WDR49: variants seen among roughly 807,000 people sequenced by gnomAD.
WDR49 encodes WD repeat domain 49, also known as cilia- and flagella-associated protein 337.
A neutral mutation model predicts 119.5 loss-of-function variants in WDR49; 107 were observed. The ratio of observed to expected loss-of-function variants is 0.90; its 90% CI spans 0.77 to 1.05. WDR49 has a LOEUF of 1.05. WDR49 is among the 50% of genes least tolerant of loss of function. WDR49 has a pLI of 0.00. For missense variants in WDR49, 1,240 were observed against 1,220.5 expected (o/e 1.02, Z -0.24); for synonymous variants, 425 against 418.8 (o/e 1.01, Z -0.18).
chr3:167,590,591 T>C (rs911191452), intron 7 of WDR49, among the ~76,000 whole-genome samples: 1 of 152,084 alleles, frequency 6.6e-6, no homozygotes, highest in Admixed American at 6.6e-5. Context: ...TTGTTATTAG[T>C]CTGTTCAGGT....
chr3:167,536,816 A>C, intron 11 of WDR49, 54 bp downstream of exon 11: 1 of 1,396,522 alleles, frequency 7.2e-7, no homozygotes, highest in East Asian at 2.7e-5. Context: ...GAGCCAAAAC[A>C]AACCAAAACA....
chr3:167,654,801 A>C (rs939631930), upstream of WDR49, among the ~76,000 whole-genome samples: 2 of 151,954 alleles, frequency 1.3e-5, no homozygotes, highest in African/African-American at 2.4e-5. Flanking sequence ...CGGGAGGCTG[A>C]GTTAGAAGGA....
At chr3:167,501,201 C>G (rs1420721045) in intron 17 of WDR49, among the ~76,000 whole-genome samples, 2 of 152,206 alleles carry the variant, frequency 1.3e-5, no homozygotes, top group Non-Finnish European at 2.9e-5. Context: ...TCTTTGAAAA[C>G]TAATGTGCTA....
At chr3:167,595,698 C>T (rs1715389233) in intron 7 of WDR49, among the ~76,000 whole-genome samples, 1 of 152,088 alleles carries the variant, frequency 6.6e-6, no homozygotes. Context: ...CCCTTCCTTA[C>T]ACCTTATACA....
At chr3:167,501,894 C>A (rs1577201190) in intron 17 of WDR49, among the ~76,000 whole-genome samples, 1 of 152,046 alleles carries the variant, frequency 6.6e-6, no homozygotes. Context: ...ATTCTGGTGC[C>A]ATCTCTTTTT....
At chr3:167,623,297 C>A (rs1159973908) in intron 3 of WDR49, among the ~76,000 whole-genome samples, 1 of 152,006 alleles carries the variant, frequency 6.6e-6, no homozygotes, top group African/African-American at 2.4e-5. Context: ...GAACTAAATA[C>A]TAGCAAAGAG....
chr3:167,537,501 A>G (rs1259035745), intron 10 of WDR49, among the ~76,000 whole-genome samples: 1 of 152,126 alleles, frequency 6.6e-6, no homozygotes, highest in Admixed American at 6.6e-5. Context: ...ATTCTCTTGG[A>G]GTCTACAGCA....
chr3:167,538,625 T>G (rs1356400313), intron 10 of WDR49, among the ~76,000 whole-genome samples: 1 of 152,068 alleles, frequency 6.6e-6, no homozygotes, highest in East Asian at 1.9e-4. Context: ...AATTTCTTAT[T>G]TGCCATGTGG....
chr3:167,511,743 G>T (rs924648363), intron 16 of WDR49, among the ~76,000 whole-genome samples: 1 of 152,190 alleles, frequency 6.6e-6, no homozygotes, highest in Non-Finnish European at 1.5e-5. Context: ...CACCATCACT[G>T]TGGCTCCAAT....
At chr3:167,629,898 G>T (rs1717292876) in intron 2 of WDR49, among the ~76,000 whole-genome samples, 1 of 152,094 alleles carries the variant, frequency 6.6e-6, no homozygotes, top group African/African-American at 2.4e-5. Flanking sequence ...AATGGATGTG[G>T]GGTTGCTTCT....
At chr3:167,600,660 C>T (rs1232666162) in intron 7 of WDR49, among the ~76,000 whole-genome samples, 2 of 152,134 alleles carry the variant, frequency 1.3e-5, no homozygotes, top group Non-Finnish European at 2.9e-5. Context: ...ATGATACCTG[C>T]TGTAATGAGA....
intron 12 of WDR49, 91 bp from the exon 13 acceptor site, chr3:167,531,370 C>T (rs1431227615): frequency 3.0e-5 from 42 of 1,391,168 alleles, no homozygotes; most frequent in Non-Finnish European, 4.0e-5. Context: ...ACATCTATCA[C>T]TATATCCATT....
chr3:167,521,554 A>C (rs1752435160), intron 16 of WDR49, among the ~76,000 whole-genome samples: 1 of 152,174 alleles, frequency 6.6e-6, no homozygotes. Flanking sequence ...AGTTTTATAG[A>C]ATGACTATTT....
At chr3:167,602,338 T>C in intron 6 of WDR49, 63 bp from the exon 7 acceptor site, 1 of 1,391,334 alleles carries the variant, frequency 7.2e-7, no homozygotes, top group Non-Finnish European at 9.7e-7. Flanking sequence ...AGCATTTTCT[T>C]TGTGAAATGA....
chr3:167,641,346 CTCAGT>C (rs1717873685), intron 2 of WDR49, among the ~76,000 whole-genome samples: 1 of 151,896 alleles, frequency 6.6e-6, no homozygotes, highest in Non-Finnish European at 1.5e-5. Flanking sequence ...ATCACTCCTT[CTCAGT>C]ATCTCTTGTA....
At chr3:167,512,141 GCCT>G (rs1752000689) in intron 16 of WDR49, among the ~76,000 whole-genome samples, 2 of 152,294 alleles carry the variant, frequency 1.3e-5, no homozygotes, top group South Asian at 4.1e-4. Context: ...CTGATTCTGT[GCCT>G]CCTGAGTAGG....
rs1716877733 is a variant in WDR49, at chr3:167,621,657, G to A, written c.607-14C>T. ...AGCCACTGCTATCTAAAGTAGCAGA[G>A]TAGAAAATCAGAAAGTAATTCTGAT... On this transcript the variant is annotated splice_polypyrimidine_tract_variant and intron_variant, in intron 3 of 18. Coordinates refer to ENST00000682715, the MANE Select transcript of WDR49 (RefSeq NM_001366157.1). 6.6e-7 allele frequency: 1 copy of A among 1,514,140 alleles called. No individual in the cohort carries two copies. Among genetic ancestry groups the A allele is most frequent in the Non-Finnish European group, 8.8e-7 (1 of 1,136,914 alleles). 93.8% of individuals were successfully genotyped at this position (1,514,140 alleles called of 1,614,324 possible).
chr3:167,542,445 A>T (rs1170435377), intron 10 of WDR49, among the ~76,000 whole-genome samples: 1 of 152,150 alleles, frequency 6.6e-6, no homozygotes, highest in African/African-American at 2.4e-5. Flanking sequence ...ACCCTCTCAA[A>T]CTATAGTGGA....
intron 6 of WDR49, among the ~76,000 whole-genome samples, chr3:167,603,076 C>G (rs1715861039): frequency 1.3e-5 from 2 of 151,942 alleles, no homozygotes; most frequent in Non-Finnish European, 2.9e-5. Flanking sequence ...TATGTGCAAG[C>G]AAAAAAGCAG....
Sources: gnomAD v4.1 joint callset for allele counts (sites outside exome capture counted in the v4.1 genomes callset) on GRCh38, gnomAD v4.1.1 for gene constraint, MANE v1.5 for transcripts, NCBI Gene and HGNC (gene_info 2026-07-23, HGNC 2026-07-21) for gene names.